The following ABCA2 variants were observed in gnomAD, a reference collection of about 807,000 sequenced individuals.
ABCA2 encodes ATP binding cassette subfamily A member 2.
In ABCA2, 84 loss-of-function variants were observed where a neutral mutation model predicts 262.8. The observed-to-expected ratio is 0.32, with a 90% confidence interval of 0.27 to 0.38. ABCA2 has a LOEUF of 0.38. Among genes scored for constraint, ABCA2 ranks in the 10% least tolerant of loss-of-function variants. The pLI is 1.00. For synonymous variants in ABCA2, 1,696 were observed against 1,502.9 expected (o/e 1.13, Z -2.97); for missense variants, 2,662 against 3,405.9 (o/e 0.78, Z 5.44).
Position 137,024,924 on chromosome 9 carries a change from G to A in ABCA2, c.67-688C>T, listed in dbSNP as rs191307197. 3.6e-3 allele frequency among the ~76,000 whole-genome samples: 544 copies of A among 151,754 alleles called. 4 individuals carry two copies. The highest frequency in any genetic ancestry group is 6.4e-3 in the Non-Finnish European group (433 of 67,972). ...CACCATTCTCTTGCCTCAGCCTCTC[G>A]AGTAGCTGGGACTACAGGCGCCCGC... On this transcript the variant is annotated intron_variant, in intron 1 of 48. Coordinates refer to ENST00000341511, the MANE Select transcript of ABCA2 (RefSeq NM_001606.5).
At position 137,014,557 on chromosome 9, in the gene ABCA2, A is replaced by C; in HGVS notation, c.4003+133T>G. ...GACCACCCACCTAGGACCGCAGGCT[A>C]ACCCCGGGGCGTCCCCTGGCTTCCA... On this transcript the variant is annotated intron_variant, in intron 26 of 48. Coordinates refer to ENST00000341511, the MANE Select transcript of ABCA2 (RefSeq NM_001606.5). 3 of 1,472,924 alleles carry C rather than the reference A, an allele frequency of 2.0e-6. No individual in the cohort carries two copies. In the Admixed American group the frequency reaches 6.5e-5, roughly 32 times the overall value. 91.2% of individuals were successfully genotyped at this position (1,472,924 alleles called of 1,614,324 possible). A position where few individuals can be genotyped will look rare whatever the true frequency, so the allele number is the denominator to read the frequency against.
chr9:137,009,956 TC>T (rs1321249143), intron 42 of ABCA2, 26 bp downstream of exon 42: 4 of 1,595,238 alleles, frequency 2.5e-6, no homozygotes, highest in Non-Finnish European at 3.4e-6. Context: ...GCGTGCTGAC[TC>T]CCTGCCCCGC....
rs765900857 is a variant in ABCA2, at chr9:137,012,265, C to T, written c.5299G>A (p.Gly1767Ser). Residue 1767 changes from glycine (G) to serine (S), a missense_variant and splice_region_variant, in exon 33 of 49, where the codon GGC becomes AGC. Gly to Ser is a moderately conservative substitution (Grantham distance 56). Transcript: ENST00000341511. ...PKSKGNPAAY[G>S]ITVTNHPMNK... ...CCCCGCCCTGCCTATGTCAGCTCACCGTAAGCCGCCGGGTTGCCCTTGCTC... is the reference window on the plus strand; with the variant it reads ...CCCCGCCCTGCCTATGTCAGCTCACTGTAAGCCGCCGGGTTGCCCTTGCTC... 1.2e-6 allele frequency: 2 copies of T among 1,608,310 alleles called. No individual in the cohort carries two copies. The highest frequency in any genetic ancestry group is 1.7e-6 in the Non-Finnish European group (2 of 1,177,920).
Position 137,012,887 on chromosome 9 carries a change from G to T in ABCA2, c.4906C>A (p.Arg1636=), listed in dbSNP as rs754720737. ...TSAPSLPRLV[R]EPVRCTCSAQ... Reference sequence around the variant, plus strand: ...GAGCAGGTGCAGCGGACGGGCTCCCGTACCAGGCGCGGCAGGGAGGGTGCC... The same window carrying T: ...GAGCAGGTGCAGCGGACGGGCTCCCTTACCAGGCGCGGCAGGGAGGGTGCC... The change falls in exon 31 of 49, where the codon CGG becomes AGG. Residue 1636 remains arginine (R), a synonymous_variant. Coordinates refer to ENST00000341511, the MANE Select transcript of ABCA2 (RefSeq NM_001606.5). 6.4e-7 allele frequency: 1 copy of T among 1,571,428 alleles called. No homozygotes were observed. Among genetic ancestry groups the T allele is most frequent in the South Asian group, 1.1e-5 (1 of 87,434 alleles).
rs1380524274 is a variant in ABCA2, at chr9:137,014,783, G to A, written c.3910C>T (p.His1304Tyr). The A allele has an allele frequency of 1.9e-6, 3 of 1,601,262 alleles. No individual in the cohort carries two copies. The highest frequency in any genetic ancestry group is 1.1e-5 in the South Asian group (1 of 88,676). Reference sequence around the variant, plus strand: ...TCCATCAGCCCGAAGCTGCTGAGGTGCAGTGCATCCAGGCTGCGCTCCAGG... The same window carrying A: ...TCCATCAGCCCGAAGCTGCTGAGGTACAGTGCATCCAGGCTGCGCTCCAGG... ...QHLERSLDAL[H>Y]LSSFGLMDTT... The change falls in exon 26 of 49, where the codon CAC (histidine) becomes TAC (tyrosine). Residue 1304 changes from histidine to tyrosine, a missense_variant. By Grantham distance (83) the His-to-Tyr change is moderately conservative. Coordinates refer to ENST00000341511, the MANE Select transcript of ABCA2 (RefSeq NM_001606.5).
intron 39 of ABCA2, 56 bp downstream of exon 39, chr9:137,010,917 C>G: frequency 1.5e-6 from 1 of 661,128 alleles, no homozygotes; most frequent in Non-Finnish European, 2.5e-6. Flanking sequence ...CCTGCCCCAC[C>G]CCCGAACCCA....
rs774683582 is a variant in ABCA2, at chr9:137,021,026, C to T, written c.933G>A (p.Ser311=). Residue 311 remains serine (S), a synonymous_variant, in exon 9 of 49, where the codon TCG becomes TCA. Transcript: ENST00000341511. The surrounding 1 kb of genome is among the most constrained non-coding windows in gnomAD (Gnocchi z 6.0). ...GLDAPNGSDS[S]PQAPPPRRLQ... ...GCCTCCGTGGGGGTGGCGCCTGTGG[C>T]GAGGAGTCCGAGCCGTTGGGGGCAT... The T allele has an allele frequency of 1.4e-5, 21 of 1,484,060 alleles. No homozygotes were observed. Among genetic ancestry groups the T allele is most frequent in the Admixed American group, 2.5e-5 (1 of 39,230 alleles). 91.9% of individuals were successfully genotyped at this position (1,484,060 alleles called of 1,614,324 possible). A position where few individuals can be genotyped will look rare whatever the true frequency, so the allele number is the denominator to read the frequency against.
Position 137,014,765 on chromosome 9 carries a change from G to C in ABCA2, c.3928C>G (p.Leu1310Val). The change falls in exon 26 of 49, where the codon CTG becomes GTG. Residue 1310 changes from leucine (L) to valine (V), a missense_variant. By Grantham distance (32) the Leu-to-Val change is conservative. Coordinates refer to ENST00000341511, the MANE Select transcript of ABCA2 (RefSeq NM_001606.5). ...LDALHLSSFG[L>V]MDTTLEEVFL... ...ACTTCCTCCAGGGTCGTGTCCATCA[G>C]CCCGAAGCTGCTGAGGTGCAGTGCA... is the stretch of plus-strand genomic sequence containing the variant. 1 of 1,600,118 alleles carries C rather than the reference G, an allele frequency of 6.2e-7. No homozygotes were observed. The highest frequency in any genetic ancestry group is 1.1e-5 in the South Asian group (1 of 88,392).
chr9:137,023,232 G>A lies in ABCA2; in HGVS notation c.164-180C>T, dbSNP rs1017959182. The A allele has an allele frequency of 9.3e-5, 59 of 633,548 alleles. 1 individual carries two copies. The highest frequency in any genetic ancestry group is 2.2e-4 in the South Asian group (12 of 55,158). The allele number at this position is 633,548 out of a possible 1,614,324, so 39.2% of individuals were successfully genotyped here. ...GCCCCAGCTGGGCTACAGGCCAAGC[G>A]TTCTGGGGCGAATGACTCCAGCAGG... On this transcript the variant is annotated intron_variant, in intron 3 of 48. Coordinates refer to ENST00000341511, the MANE Select transcript of ABCA2 (RefSeq NM_001606.5).
intron 6 of ABCA2, 110 bp from the exon 7 acceptor site, chr9:137,022,111 G>C: frequency 1.6e-6 from 1 of 611,752 alleles, no homozygotes; most frequent in South Asian, 2.0e-5. Flanking sequence ...GTGGGGGCGT[G>C]GCTCAGAGAG....
In ABCA2 at chr9:137,010,019, C is replaced by T. The variant is rs771191807; in HGVS notation, c.6459G>A (p.Thr2153=). ...CCTTCCAGGAGATCCCACGCAGCCG[C>T]GTGTACAGCTGCAGGTGCTCCCGGG... ...LTAREHLQLY[T]RLRGISWKDE... The change falls in exon 42 of 49, where the codon ACG becomes ACA. Residue 2153 remains threonine, a synonymous_variant. Transcript: ENST00000341511. The T allele has an allele frequency of 1.0e-5, 16 of 1,599,702 alleles. No individual in the cohort carries two copies. The highest frequency in any genetic ancestry group is 1.2e-5 in the Non-Finnish European group (14 of 1,174,950).
Position 137,014,782 on chromosome 9 carries a change from T to G in ABCA2, c.3911A>C (p.His1304Pro). The part of the protein sequence containing the change: ...QHLERSLDAL[H>P]LSSFGLMDTT... The stretch of plus-strand genomic sequence containing the variant: ...GTCCATCAGCCCGAAGCTGCTGAGG[T>G]GCAGTGCATCCAGGCTGCGCTCCAG... The change falls in exon 26 of 49, where the codon CAC (histidine) becomes CCC (proline). Residue 1304 changes from histidine (H) to proline (P), a missense_variant. By Grantham distance (77) the His-to-Pro change is moderately conservative. Transcript: ENST00000341511. 6.2e-7 allele frequency: 1 copy of G among 1,601,040 alleles called. No homozygotes were observed. The highest frequency in any genetic ancestry group is 8.5e-7 in the Non-Finnish European group (1 of 1,174,998).
chr9:137,018,140 A>G (rs772251721), intron 14 of ABCA2, 38 bp downstream of exon 14: 2 of 1,610,246 alleles, frequency 1.2e-6, no homozygotes, highest in Admixed American at 3.3e-5. Flanking sequence ...GTCCTCCCCC[A>G]TGAATCCTCC....
chr9:137,027,716 G>GCCTTCTGTCCTGGGAACCAGGGCCTC (rs1183066404), intron 1 of ABCA2: 3 of 152,314 alleles, frequency 2.0e-5, no homozygotes, highest in African/African-American at 7.2e-5. Flanking sequence ...CCCCAGGCCT[G>GCCTTCTGTCCTGGGAACCAGGGCCTC]CCTTCTGTCC....
Position 137,014,673 on chromosome 9 carries a change from T to C in ABCA2, c.4003+17A>G. On this transcript the variant is annotated intron_variant, in intron 26 of 48. Coordinates refer to ENST00000341511, the MANE Select transcript of ABCA2 (RefSeq NM_001606.5). ...TTGTGGGTGGGGTGGGCTGAGCAAGTGGTCCAGGCCCCTCACCGGCCTCAC... is the reference window on the plus strand; with the variant it reads ...TTGTGGGTGGGGTGGGCTGAGCAAGCGGTCCAGGCCCCTCACCGGCCTCAC... The C allele has an allele frequency of 6.2e-7, 1 of 1,601,734 alleles. No individual in the cohort carries two copies. The highest frequency in any genetic ancestry group is 1.3e-5 in the African/African-American group (1 of 74,882).
chr9:137,024,714 G>C (rs1831591670), intron 1 of ABCA2, among the ~76,000 whole-genome samples: 1 of 152,150 alleles, frequency 6.6e-6, no homozygotes, highest in Admixed American at 6.5e-5. Flanking sequence ...CTGGTTGAGA[G>C]GCTTGGCCTG....
In ABCA2 at chr9:137,016,359, G is replaced by A. The variant is rs1395842332; in HGVS notation, c.3036C>T (p.Ser1012=). Residue 1012 remains serine, a synonymous_variant, in exon 21 of 49, where the codon AGC becomes AGT. Transcript: ENST00000341511. ...CCACCTGGTTCTCGTAGAGGTTCAG[G>A]CTCAGCTTGTTCAGGGCCAGCTTCT... is the stretch of plus-strand genomic sequence containing the variant. ...DDKKLALNKL[S]LNLYENQVVS... The A allele has an allele frequency of 8.1e-6, 13 of 1,612,922 alleles. No individual in the cohort carries two copies. The highest frequency in any genetic ancestry group is 3.3e-5 in the South Asian group (3 of 91,088).
In ABCA2 at chr9:137,020,358, T is replaced by G. The variant is rs1262689114; in HGVS notation, c.1403A>C (p.Glu468Ala). 3 of 1,612,728 alleles carry G rather than the reference T, an allele frequency of 1.9e-6. No homozygotes were observed. The highest frequency in any genetic ancestry group is 2.5e-6 in the Non-Finnish European group (3 of 1,179,966). Residue 468 changes from glutamate to alanine, a missense_variant, in exon 10 of 49, where the codon GAG becomes GCG. This residue lies in a region of ABCA2 where 92 missense variants were observed against 146.7 expected (regional missense o/e 0.63). Transcript: ENST00000341511. ...PKILYAPAGS[E>A]VDRVILKANE... Reference sequence around the variant, plus strand: ...CACCTTGAGGATGACGCGGTCGACCTCAGAGCCCGCAGGCGCGTACAGGAT... The same window carrying G: ...CACCTTGAGGATGACGCGGTCGACCGCAGAGCCCGCAGGCGCGTACAGGAT...
chr9:137,020,307 C>T, intron 10 of ABCA2, 29 bp downstream of exon 10: 4 of 1,610,114 alleles, frequency 2.5e-6, no homozygotes, highest in Non-Finnish European at 3.4e-6. Context: ...CTCTGCCTGT[C>T]AAACATGGAG....
Sources: gnomAD v4.1 joint callset for allele counts (sites outside exome capture counted in the v4.1 genomes callset) on GRCh38, gnomAD v4.1.1 for gene constraint, gnomAD v4.1.1 regional missense constraint, Gnocchi (gnomAD v3.1) non-coding constraint, MANE v1.5 for transcripts, NCBI Gene and HGNC (gene_info 2026-07-23, HGNC 2026-07-21) for gene names.